Variants in FASTKD5 observed in about 807,000 individuals in gnomAD.
The protein encoded by FASTKD5 is non-canonical pre-mRNAs endonuclease FASTKD5, mitochondrial.
Under a neutral mutation model 44.0 loss-of-function variants are expected in FASTKD5, and 30 were observed. The observed-to-expected ratio is 0.68, with a 90% CI of 0.51 to 0.93. The LOEUF is 0.93. Ranked by LOEUF, FASTKD5 falls within the 40% of genes least tolerant of loss-of-function variation. The pLI, the probability that FASTKD5 is intolerant of heterozygous loss-of-function variation, is 0.00. For missense variants in FASTKD5, 868 were observed against 908.2 expected, an observed-to-expected ratio of 0.96 and a Z score of 0.57; for synonymous variants, 335 against 342.2, an observed-to-expected ratio of 0.98 and a Z score of 0.23.
At position 3,146,944 on chromosome 20, in the gene FASTKD5, A is replaced by G. The variant is rs1160140604; in HGVS notation, c.2127T>C (p.Tyr709=). Residue 709 remains tyrosine (Y), a synonymous_variant, in exon 2 of 2, where the codon TAT becomes TAC. Transcript: ENST00000380266. ...GCAGTCCAAGGAGATCCCTGGAGCCATAGCAATACTGGTTCCTGTTTGTGA... is the reference window on the plus strand; with the variant it reads ...GCAGTCCAAGGAGATCCCTGGAGCCGTAGCAATACTGGTTCCTGTTTGTGA... ...VQFTNRNQYC[Y]GSRDLLGLHN... The G allele has an allele frequency of 1.2e-6, 2 of 1,614,210 alleles. No individual in the cohort carries two copies. Among genetic ancestry groups the G allele is most frequent in the Non-Finnish European group, 1.7e-6 (2 of 1,180,042 alleles).
chr20:3,147,995 A>G lies in FASTKD5; in HGVS notation c.1076T>C (p.Ile359Thr), dbSNP rs780272395. The part of the protein sequence containing the change: ...QHLSSRSLVN[I>T]VKMFRFTHVD... ...GTGAGTGAAACGGAACATTTTAACA[A>G]TATTCACTAAGGAGCGACTACTCAG... Residue 359 changes from isoleucine (I) to threonine (T), a missense_variant, in exon 2 of 2, where the codon ATT becomes ACT. Ile to Thr is a moderately conservative substitution (Grantham distance 89, BLOSUM62 -1). Coordinates refer to ENST00000380266, the MANE Select transcript of FASTKD5 (RefSeq NM_021826.5). 3.7e-6 allele frequency: 6 copies of G among 1,614,204 alleles called. No homozygotes were observed. The Admixed American group carries it at 1.0e-4, about 27-fold the overall frequency.
intron 1 of FASTKD5, among the ~76,000 whole-genome samples, chr20:3,154,478 T>A (rs2066664540): frequency 6.6e-6 from 1 of 152,088 alleles, no homozygotes; most frequent in Admixed American, 6.6e-5. Flanking sequence ...GGCCGGGAGT[T>A]TGAGACCAGC....
At chr20:3,154,436 C>T (rs774496975) in intron 1 of FASTKD5, among the ~76,000 whole-genome samples, 3 of 152,204 alleles carry the variant, frequency 2.0e-5, no homozygotes, top group Non-Finnish European at 4.4e-5. Flanking sequence ...AATCATAGTA[C>T]TCTGGGAGGC....
At chr20:3,152,867 C>T (rs1424383137) in intron 1 of FASTKD5, among the ~76,000 whole-genome samples, 2 of 151,462 alleles carry the variant, frequency 1.3e-5, no homozygotes, top group African/African-American at 4.9e-5. Flanking sequence ...GATCATACTA[C>T]TGCATTGCAG....
Position 3,147,988 on chromosome 20 carries a change from T to G in FASTKD5, c.1083A>C (p.Lys361Asn). The change falls in exon 2 of 2, where the codon AAA becomes AAC. Residue 361 changes from lysine (K) to asparagine (N), a missense_variant. Physicochemically the swap from Lys to Asn is moderately conservative, Grantham distance 94 (BLOSUM62 0). Transcript: ENST00000380266. ...GATCCACGTGAGTGAAACGGAACAT[T>G]TTAACAATATTCACTAAGGAGCGAC... ...LSSRSLVNIV[K>N]MFRFTHVDHI... 1.9e-6 allele frequency: 3 copies of G among 1,614,184 alleles called. No individual in the cohort carries two copies. The highest frequency in any genetic ancestry group is 2.2e-5 in the East Asian group (1 of 44,886).
At chr20:3,155,052 CAAAAAAA>C (rs11326176) in intron 1 of FASTKD5, among the ~76,000 whole-genome samples, 2 of 96,100 alleles carry the variant, frequency 2.1e-5, no homozygotes, top group Non-Finnish European at 3.9e-5. Context: ...GACACAGTCT[CAAAAAAA>C]AAAAAAAAAA....
intron 1 of FASTKD5, among the ~76,000 whole-genome samples, chr20:3,157,217 T>C (rs2066694898): frequency 6.6e-6 from 1 of 152,184 alleles, no homozygotes; most frequent in East Asian, 1.9e-4. Context: ...ACCTTAGCTG[T>C]TAATGTGGAT....
chr20:3,156,649 G>A (rs747225538), intron 1 of FASTKD5: 1 of 152,250 alleles, frequency 6.6e-6, no homozygotes, highest in African/African-American at 2.4e-5. Flanking sequence ...AAACCTCCCT[G>A]AATGATGTGA....
chr20:3,150,279 C>T (rs1017209538), intron 1 of FASTKD5, among the ~76,000 whole-genome samples: 2 of 152,154 alleles, frequency 1.3e-5, no homozygotes, highest in Admixed American at 1.3e-4. Context: ...TGAGGGTCTG[C>T]TCACTGTCAC....
chr20:3,157,043 G>C (rs371490512), intron 1 of FASTKD5, among the ~76,000 whole-genome samples: 207 of 152,226 alleles, frequency 1.4e-3, no homozygotes, highest in African/African-American at 4.8e-3. Context: ...GGCAGATCAC[G>C]TGAGGCCAGG....
rs1403629283 is a variant in FASTKD5, at chr20:3,148,115, C to G, written c.956G>C (p.Gly319Ala). ...YIDLINLEEV[G>A]TICLGFFKSS... ...TTTAAAGAACCCCAAACAGATGGTA[C>G]CAACCTCCTCCAAATTGATCAAATC... Residue 319 changes from glycine to alanine, a missense_variant, in exon 2 of 2, where the codon GGT (glycine) becomes GCT (alanine). Coordinates refer to ENST00000380266, the MANE Select transcript of FASTKD5 (RefSeq NM_021826.5). 1 of 1,613,910 alleles carries G rather than the reference C, an allele frequency of 6.2e-7. No individual in the cohort carries two copies. The highest frequency in any genetic ancestry group is 8.5e-7 in the Non-Finnish European group (1 of 1,180,020).
chr20:3,147,543 G>A lies in FASTKD5; in HGVS notation c.1528C>T (p.Leu510Phe). The change falls in exon 2 of 2, where the codon CTC becomes TTC. Residue 510 changes from leucine to phenylalanine, a missense_variant. By Grantham distance (22) the Leu-to-Phe change is conservative (BLOSUM62 0). Coordinates refer to ENST00000380266, the MANE Select transcript of FASTKD5 (RefSeq NM_021826.5). ...TCGAGGGTATATAGTTCCTTAAGGA[G>A]GTCAAACTTAGTTCTCTCCTGAGCT... is the stretch of plus-strand genomic sequence containing the variant. ...RLAQERTKFDLLKELYTLDGT... is the reference protein window; with the variant it reads ...RLAQERTKFDFLKELYTLDGT... 6.2e-7 allele frequency: 1 copy of A among 1,614,148 alleles called. No individual in the cohort carries two copies. Among genetic ancestry groups the A allele is most frequent in the Non-Finnish European group, 8.5e-7 (1 of 1,180,032 alleles).
In FASTKD5 at chr20:3,148,106, C is replaced by A; in HGVS notation, c.965G>T (p.Cys322Phe). ...AGTACTTGATTTAAAGAACCCCAAA[C>A]AGATGGTACCAACCTCCTCCAAATT... The part of the protein sequence containing the change: ...LINLEEVGTI[C>F]LGFFKSSTNL... Residue 322 changes from cysteine (C) to phenylalanine (F), a missense_variant, in exon 2 of 2, where the codon TGT (cysteine) becomes TTT (phenylalanine). Coordinates refer to ENST00000380266, the MANE Select transcript of FASTKD5 (RefSeq NM_021826.5). The A allele has an allele frequency of 6.2e-7, 1 of 1,614,120 alleles. No homozygotes were observed. Among genetic ancestry groups the A allele is most frequent in the Non-Finnish European group, 8.5e-7 (1 of 1,180,036 alleles).
chr20:3,150,703 G>A (rs770801898), intron 1 of FASTKD5: 2 of 152,154 alleles, frequency 1.3e-5, no homozygotes, highest in Non-Finnish European at 1.5e-5. Context: ...AGAGCCCATA[G>A]CACATCATCA....
intron 1 of FASTKD5, among the ~76,000 whole-genome samples, chr20:3,158,149 C>T (rs1326527699): frequency 6.6e-6 from 1 of 151,634 alleles, no homozygotes; most frequent in African/African-American, 2.4e-5. Context: ...TTGTTTTTTT[C>T]GTAGAGACAG....
At chr20:3,157,457 T>A (rs1568485058) in intron 1 of FASTKD5, among the ~76,000 whole-genome samples, 1 of 152,206 alleles carries the variant, frequency 6.6e-6, no homozygotes, top group African/African-American at 2.4e-5. Context: ...TCACAAACAT[T>A]TGTGAAACTT....
chr20:3,156,011 A>C (rs996322053), intron 1 of FASTKD5, among the ~76,000 whole-genome samples: 3 of 152,222 alleles, frequency 2.0e-5, no homozygotes, highest in Admixed American at 2.0e-4. Flanking sequence ...AGAGAAGAAC[A>C]GTAGGGAGAA....
chr20:3,157,747 G>A (rs1045276915), intron 1 of FASTKD5, among the ~76,000 whole-genome samples: 8 of 152,190 alleles, frequency 5.3e-5, no homozygotes, highest in Non-Finnish European at 8.8e-5. Context: ...GCACACAGTC[G>A]TCATAAGAGA....
chr20:3,153,399 T>C (rs1233936644), intron 1 of FASTKD5, among the ~76,000 whole-genome samples: 1 of 152,232 alleles, frequency 6.6e-6, no homozygotes, highest in Non-Finnish European at 1.5e-5. Flanking sequence ...TCTGCATTAG[T>C]TCCCATCCTT....
Sources: allele counts gnomAD v4.1 joint callset (sites outside exome capture counted in the v4.1 genomes callset), GRCh38; gene constraint gnomAD v4.1.1; transcripts MANE v1.5; gene names NCBI Gene and HGNC (gene_info 2026-07-23, HGNC 2026-07-21).